The following LYPD8 variants were observed in gnomAD, a reference collection of about 807,000 sequenced individuals.
LYPD8 encodes the protein ly6/PLAUR domain-containing protein 8.
In LYPD8, 8 loss-of-function variants were observed where a neutral mutation model predicts 1.7. The ratio of observed to expected loss-of-function variants is 4.58; its 90% CI spans 2.69 to 8.27. The LOEUF (loss-of-function observed/expected upper bound fraction) is 8.27, where lower values mean the gene tolerates loss of function less well. Ranked by LOEUF, LYPD8 falls within the 30% of genes most tolerant of loss-of-function variation. The pLI, the probability that LYPD8 is intolerant of heterozygous loss-of-function variation, is 0.00. For synonymous variants in LYPD8, 50 were observed against 43.6 expected (o/e 1.15, Z -0.58); for missense variants, 112 against 102.3 (o/e 1.09, Z -0.41).
intron 2 of LYPD8, among the ~76,000 whole-genome samples, chr1:248,753,241 ACC>A (rs1662856112): frequency 1.1e-5 from 1 of 87,004 alleles, no homozygotes; most frequent in Non-Finnish European, 2.2e-5. Context: ...CACACCACAC[ACC>A]CCACACAACA....
chr1:248,741,973 G>A (rs1332293730), intron 6 of LYPD8, among the ~76,000 whole-genome samples: 2 of 152,204 alleles, frequency 1.3e-5, no homozygotes, highest in African/African-American at 4.8e-5. Flanking sequence ...CGTAGGTAGA[G>A]CATAGAGGAA....
At chr1:248,752,615 A>C (rs1322803998) in intron 2 of LYPD8, among the ~76,000 whole-genome samples, 191 of 100,672 alleles carry the variant, frequency 1.9e-3, no homozygotes, top group African/African-American at 6.6e-3. Flanking sequence ...CCCCACACAC[A>C]TCACACACAC....
intron 6 of LYPD8, among the ~76,000 whole-genome samples, chr1:248,740,493 C>A (rs1051940314): frequency 6.6e-6 from 1 of 152,256 alleles, no homozygotes; most frequent in South Asian, 2.1e-4. Context: ...ATAGCAGCTA[C>A]CTGTTATTGA....
intron 2 of LYPD8, among the ~76,000 whole-genome samples, chr1:248,753,045 CATCACA>C (rs1662845877): frequency 9.8e-6 from 1 of 102,212 alleles, no homozygotes; most frequent in Non-Finnish European, 1.9e-5. Context: ...ACCACACACA[CATCACA>C]CACACACCCC....
chr1:248,741,499 AC>A (rs1356507953), intron 6 of LYPD8, among the ~76,000 whole-genome samples: 3 of 152,162 alleles, frequency 2.0e-5, no homozygotes, highest in Non-Finnish European at 4.4e-5. Flanking sequence ...GAGCCACCGC[AC>A]CTGGCCAGTG....
rs1662903404 is a variant in LYPD8, at chr1:248,755,267, G to A, written c.-78C>T. On this transcript the variant is annotated 5_prime_UTR_variant, in exon 2 of 7. Transcript: ENST00000590317. ...GGACATGAGAAGAAGTGGCATCTTA[G>A]GCCGTTTCACTAGGTACTTCCCACT... is the stretch of plus-strand genomic sequence containing the variant. The A allele has an allele frequency of 6.6e-6, 1 of 152,282 alleles. No individual in the cohort carries two copies. Among genetic ancestry groups the A allele is most frequent in the Non-Finnish European group, 1.5e-5 (1 of 68,096 alleles). 9.4% of individuals were successfully genotyped at this position (152,282 alleles called of 1,614,324 possible). A position where few individuals can be genotyped will look rare whatever the true frequency, so the allele number is the denominator to read the frequency against.
intron 2 of LYPD8, among the ~76,000 whole-genome samples, chr1:248,752,831 AC>A (rs1662834074): frequency 4.4e-5 from 4 of 91,622 alleles, no homozygotes; most frequent in African/African-American, 1.0e-4. Flanking sequence ...CATCACACAC[AC>A]CACACCCCAC....
chr1:248,753,368 TAC>T (rs1464273666), intron 2 of LYPD8, among the ~76,000 whole-genome samples: 1 of 42,494 alleles, frequency 2.4e-5, no homozygotes, highest in Non-Finnish European at 4.4e-5. Flanking sequence ...ACACATCACA[TAC>T]ACACCACACA....
chr1:248,745,105 C>T (rs902429149), intron 6 of LYPD8, 37 bp downstream of exon 6: 41,393 of 398,150 alleles, frequency 0.1, 3,051 homozygotes, highest in East Asian at 0.26. Flanking sequence ...TGTTTCCAGC[C>T]CAAGTCCCAT....
intron 4 of LYPD8, among the ~76,000 whole-genome samples, chr1:248,749,563 A>G (rs1029380249): frequency 1.3e-5 from 2 of 152,196 alleles, no homozygotes; most frequent in African/African-American, 4.8e-5. Context: ...GAAGGGCAAG[A>G]GAGGGTGAGA....
At chr1:248,754,674 A>C (rs1662894652) in intron 2 of LYPD8, among the ~76,000 whole-genome samples, 1 of 152,204 alleles carries the variant, frequency 6.6e-6, no homozygotes, top group Non-Finnish European at 1.5e-5. Flanking sequence ...TTGACTTATT[A>C]GAGATTGGTA....
intron 2 of LYPD8, among the ~76,000 whole-genome samples, chr1:248,752,622 ACACACAC>A (rs1168191328): frequency 2.4e-5 from 3 of 125,754 alleles, no homozygotes; most frequent in Admixed American, 1.7e-4. Context: ...CACATCACAC[ACACACAC>A]CACACACCCC....
chr1:248,742,003 C>T (rs891042234), intron 6 of LYPD8, among the ~76,000 whole-genome samples: 2 of 152,192 alleles, frequency 1.3e-5, no homozygotes, highest in Non-Finnish European at 2.9e-5. Context: ...AGTGGAAATA[C>T]TCTATATGGT....
chr1:248,749,521 G>A (rs1488772076), intron 4 of LYPD8, among the ~76,000 whole-genome samples: 6 of 152,296 alleles, frequency 3.9e-5, no homozygotes, highest in East Asian at 1.9e-4. Context: ...CCAGCCTCTG[G>A]TGAAGACTTT....
chr1:248,754,849 C>A (rs1662897724), intron 2 of LYPD8, among the ~76,000 whole-genome samples: 1 of 152,076 alleles, frequency 6.6e-6, no homozygotes, highest in Non-Finnish European at 1.5e-5. Flanking sequence ...CCCCTACATG[C>A]CCGGGTGCAC....
At chr1:248,744,190 G>A (rs1312459183) in intron 6 of LYPD8, among the ~76,000 whole-genome samples, 2 of 152,206 alleles carry the variant, frequency 1.3e-5, no homozygotes, top group African/African-American at 4.8e-5. Flanking sequence ...AAGAGGGGAG[G>A]CATAGTGAAG....
chr1:248,752,345 C>G (rs895094776), intron 2 of LYPD8, among the ~76,000 whole-genome samples: 2 of 152,034 alleles, frequency 1.3e-5, no homozygotes, highest in Admixed American at 1.3e-4. Context: ...AACCCAAGCT[C>G]GCTCGGCTCC....
intron 4 of LYPD8, among the ~76,000 whole-genome samples, chr1:248,749,340 G>A (rs1014078445): frequency 1.5e-4 from 23 of 152,240 alleles, no homozygotes; most frequent in African/African-American, 5.1e-4. Flanking sequence ...AAGATGGCCT[G>A]GATATTAGAA....
intron 2 of LYPD8, among the ~76,000 whole-genome samples, chr1:248,751,391 T>C (rs1662799677): frequency 1.3e-5 from 2 of 152,182 alleles, no homozygotes; most frequent in South Asian, 4.1e-4. Context: ...CCAATTCAGT[T>C]GCAAAATGTG....
Sources: gnomAD v4.1 joint callset for allele counts (sites outside exome capture counted in the v4.1 genomes callset) on GRCh38, gnomAD v4.1.1 for gene constraint, MANE v1.5 for transcripts, NCBI Gene and HGNC (gene_info 2026-07-23, HGNC 2026-07-21) for gene names.